CSMD3: variants seen among roughly 807,000 people sequenced by gnomAD.
CSMD3 encodes CUB and sushi domain-containing protein 3.
Under a neutral mutation model 435.2 loss-of-function variants are expected in CSMD3, and 177 were observed. The observed-to-expected ratio is 0.41, with a 90% CI of 0.36 to 0.46. CSMD3 has a LOEUF of 0.46. Ranked by LOEUF, CSMD3 falls within the 20% of genes least tolerant of loss-of-function variation. The probability of loss-of-function intolerance (pLI) is 0.34; values close to 1 mark genes in which losing one functional copy is unlikely to be tolerated. For synonymous variants in CSMD3, 1,656 were observed against 1,520.5 expected (o/e 1.09, Z -2.07); for missense variants, 4,265 against 4,504.6 (o/e 0.95, Z 1.52).
chr8:112,442,782 A>T (rs1332500529), intron 32 of CSMD3, among the ~76,000 whole-genome samples: 1 of 152,134 alleles, frequency 6.6e-6, no homozygotes, highest in Non-Finnish European at 1.5e-5. Context: ...AAAGAAAAGG[A>T]CTTTACTTTG....
In CSMD3 at chr8:112,311,050, T is replaced by G; in HGVS notation, c.7813A>C (p.Lys2605Gln). 6.2e-7 allele frequency: 1 copy of G among 1,614,156 alleles called. No individual in the cohort carries two copies. The highest frequency in any genetic ancestry group is 8.5e-7 in the Non-Finnish European group (1 of 1,180,014). Residue 2605 changes from lysine (K) to glutamine (Q), a missense_variant, in exon 50 of 71, where the codon AAA becomes CAA. By Grantham distance (53) the Lys-to-Gln change is moderately conservative. Coordinates refer to ENST00000297405, the MANE Select transcript of CSMD3 (RefSeq NM_198123.2). ...ACDRGFRLVG[K>Q]SSAVCRKSSY... Reference sequence around the variant, plus strand: ...GACTTTCTGCACACAGCACTGCTTTTTCCAACAAGTCGGAATCCTCGATCA... The same window carrying G: ...GACTTTCTGCACACAGCACTGCTTTGTCCAACAAGTCGGAATCCTCGATCA...
intron 3 of CSMD3, among the ~76,000 whole-genome samples, chr8:113,196,177 C>T (rs1221007447): frequency 2.7e-5 from 4 of 150,800 alleles, no homozygotes; most frequent in Non-Finnish European, 1.5e-5. Context: ...GTTTTTTGTA[C>T]TCCTCTTATT....
chr8:112,667,353 C>T (rs539861477), intron 16 of CSMD3, among the ~76,000 whole-genome samples: 58 of 152,188 alleles, frequency 3.8e-4, no homozygotes, highest in Admixed American at 9.8e-4. Context: ...AGTTTTCATA[C>T]GTATATTATT....
intron 4 of CSMD3, among the ~76,000 whole-genome samples, chr8:113,099,494 A>G (rs376209347): frequency 3.3e-5 from 5 of 152,126 alleles, no homozygotes; most frequent in African/African-American, 9.7e-5. Flanking sequence ...AAATAAAAAT[A>G]TATCACATAT....
intron 10 of CSMD3, among the ~76,000 whole-genome samples, 188 bp from the exon 11 acceptor site, chr8:112,859,454 G>A (rs1306867925): frequency 2.6e-5 from 4 of 151,624 alleles, no homozygotes; most frequent in South Asian, 2.1e-4. Context: ...TCACAAGCTC[G>A]ATATTTTCAA....
intron 7 of CSMD3, among the ~76,000 whole-genome samples, chr8:112,958,063 T>C (rs1448344721): frequency 6.6e-6 from 1 of 152,184 alleles, no homozygotes; most frequent in Non-Finnish European, 1.5e-5. Flanking sequence ...TTGTTAATTC[T>C]GAGTCTTTTA....
At chr8:112,290,561 A>G (rs1360079719) in intron 56 of CSMD3, among the ~76,000 whole-genome samples, 1 of 152,000 alleles carries the variant, frequency 6.6e-6, no homozygotes, top group Non-Finnish European at 1.5e-5. Context: ...TTTTACAGAC[A>G]CAGCAAAAAG....
chr8:112,992,017 A>G (rs1485300124), intron 6 of CSMD3, among the ~76,000 whole-genome samples: 2 of 151,878 alleles, frequency 1.3e-5, no homozygotes, highest in Non-Finnish European at 2.9e-5. Context: ...ATTTTGATTA[A>G]GCATTTTTGC....
At position 112,859,209 on chromosome 8, in the gene CSMD3, A is replaced by C. The variant is rs200572435; in HGVS notation, c.1691T>G (p.Phe564Cys). The change falls in exon 11 of 71, where the codon TTT (phenylalanine) becomes TGT (cysteine). Residue 564 changes from phenylalanine to cysteine, a missense_variant. Phe to Cys is a radical substitution (Grantham distance 205, BLOSUM62 -2). Transcript: ENST00000297405. ...TGCATTGCTGTCATACTGGAACGGA[A>C]AGTTGGGAGATGTAAAGGTACCACT... ...GPSGTFTSPN[F>C]PFQYDSNAQC... 1 of 1,611,256 alleles carries C rather than the reference A, an allele frequency of 6.2e-7. No homozygotes were observed. Among genetic ancestry groups the C allele is most frequent in the Non-Finnish European group, 8.5e-7 (1 of 1,177,750 alleles).
intron 3 of CSMD3, among the ~76,000 whole-genome samples, chr8:113,261,897 T>G (rs952891575): frequency 6.6e-6 from 1 of 152,068 alleles, no homozygotes; most frequent in African/African-American, 2.4e-5. Flanking sequence ...TATTGCTCTG[T>G]GGATGTTGTA....
At chr8:113,382,878 G>T (rs1314128489) in intron 1 of CSMD3, among the ~76,000 whole-genome samples, 1 of 152,184 alleles carries the variant, frequency 6.6e-6, no homozygotes, top group Non-Finnish European at 1.5e-5. Flanking sequence ...CTACTTGGGA[G>T]GCTGAGGCAG....
At chr8:112,663,867 C>A (rs2075451215) in intron 17 of CSMD3, among the ~76,000 whole-genome samples, 1 of 152,062 alleles carries the variant, frequency 6.6e-6, no homozygotes, top group Non-Finnish European at 1.5e-5. Context: ...AGTGCAGCAG[C>A]CTCAGTGTCT....
intron 2 of CSMD3, among the ~76,000 whole-genome samples, chr8:113,302,624 G>T (rs949346030): frequency 6.6e-6 from 1 of 151,714 alleles, no homozygotes; most frequent in Non-Finnish European, 1.5e-5. Flanking sequence ...TTATCAAATG[G>T]TCACTTCGAT....
chr8:113,198,231 A>G (rs953345916), intron 3 of CSMD3, among the ~76,000 whole-genome samples: 1 of 151,398 alleles, frequency 6.6e-6, no homozygotes, highest in East Asian at 1.9e-4. Flanking sequence ...CAACTTTTGT[A>G]TATGTAAACT....
chr8:112,878,788 C>T (rs549082378), intron 10 of CSMD3, among the ~76,000 whole-genome samples: 2 of 152,132 alleles, frequency 1.3e-5, no homozygotes, highest in East Asian at 1.9e-4. Flanking sequence ...AGTCAGGGAT[C>T]CCGAATGGAG....
At chr8:112,723,584 G>A (rs2131979511) in intron 13 of CSMD3, among the ~76,000 whole-genome samples, 1 of 152,234 alleles carries the variant, frequency 6.6e-6, no homozygotes, top group Non-Finnish European at 1.5e-5. Context: ...TTTGTTTTCA[G>A]AGTTCAATAC....
intron 61 of CSMD3, among the ~76,000 whole-genome samples, chr8:112,258,349 G>A (rs1367646152): frequency 6.6e-6 from 1 of 152,110 alleles, no homozygotes. Context: ...AGACAACCTA[G>A]AGAATGGGAG....
intron 4 of CSMD3, among the ~76,000 whole-genome samples, chr8:113,123,830 G>A (rs2091050929): frequency 6.6e-6 from 1 of 151,948 alleles, no homozygotes; most frequent in Admixed American, 6.6e-5. Context: ...ATTCAGATCT[G>A]TCTCTTGAGC....
chr8:113,183,708 A>T (rs1168391383), intron 3 of CSMD3, among the ~76,000 whole-genome samples: 1 of 151,956 alleles, frequency 6.6e-6, no homozygotes, highest in Non-Finnish European at 1.5e-5. Context: ...TCTGTTTTAT[A>T]TATAATGTCT....
Sources: allele counts gnomAD v4.1 joint callset (sites outside exome capture counted in the v4.1 genomes callset), GRCh38; gene constraint gnomAD v4.1.1; transcripts MANE v1.5; gene names NCBI Gene and HGNC (gene_info 2026-07-23, HGNC 2026-07-21).